The following FBXL7 variants were observed in gnomAD, a reference collection of about 807,000 sequenced individuals.
FBXL7 encodes F-box and leucine rich repeat protein 7, also known as F-box/LRR-repeat protein 7.
In FBXL7, 12 loss-of-function variants were observed where a neutral mutation model predicts 38.3. The observed-to-expected ratio is 0.31, with a 90% CI of 0.20 to 0.51. FBXL7 has a LOEUF of 0.51. FBXL7 is among the 20% of genes least tolerant of loss of function. The probability of loss-of-function intolerance (pLI) is 0.98; values close to 1 mark genes in which losing one functional copy is unlikely to be tolerated. For missense variants in FBXL7, 567 were observed against 676.4 expected (o/e 0.84, Z 1.79); for synonymous variants, 297 against 300.9 (o/e 0.99, Z 0.13).
intron 2 of FBXL7, among the ~76,000 whole-genome samples, chr5:15,788,894 C>T (rs1737201758): frequency 6.6e-6 from 1 of 151,354 alleles, no homozygotes; most frequent in Non-Finnish European, 1.5e-5. Flanking sequence ...CTCTGTCGCC[C>T]AGCTGGAGTA....
chr5:15,792,175 G>A (rs181856154), intron 2 of FBXL7, among the ~76,000 whole-genome samples: 15 of 152,258 alleles, frequency 9.9e-5, no homozygotes, highest in Admixed American at 2.6e-4. Context: ...ACCTGACATC[G>A]TAGCTGTCAA....
intron 2 of FBXL7, among the ~76,000 whole-genome samples, chr5:15,619,364 A>G (rs895227886): frequency 1.3e-5 from 2 of 152,128 alleles, no homozygotes; most frequent in African/African-American, 4.8e-5. Context: ...GACAATGCCA[A>G]ACCGTCACCG....
chr5:15,539,967 G>A lies in FBXL7; in HGVS notation c.37+39254G>A, dbSNP rs569323981. On this transcript the variant is annotated intron_variant, in intron 1 of 3. Transcript: ENST00000504595. Reference sequence around the variant, plus strand: ...TTTATGATAATGGCTTTTTCAAAATGGCTTTATTCTCCATTTTTCACATGT... The same window carrying A: ...TTTATGATAATGGCTTTTTCAAAATAGCTTTATTCTCCATTTTTCACATGT... 4.1e-4 allele frequency among the ~76,000 whole-genome samples: 63 copies of A among 152,102 alleles called. 1 individual carries two copies. The highest frequency in any genetic ancestry group is 1.5e-3 in the African/African-American group (62 of 41,522).
At chr5:15,906,121 C>T (rs944638081) in intron 2 of FBXL7, among the ~76,000 whole-genome samples, 2 of 151,808 alleles carry the variant, frequency 1.3e-5, no homozygotes, top group African/African-American at 2.4e-5. Context: ...TAAAGATCAT[C>T]GCCAACATAT....
chr5:15,684,653 A>G (rs1742955003), intron 2 of FBXL7, among the ~76,000 whole-genome samples: 1 of 152,198 alleles, frequency 6.6e-6, no homozygotes, highest in Non-Finnish European at 1.5e-5. Flanking sequence ...AGCAAAGGAG[A>G]AGAGTCAGAG....
chr5:15,545,272 C>T (rs545647850), intron 1 of FBXL7, among the ~76,000 whole-genome samples: 1 of 152,310 alleles, frequency 6.6e-6, no homozygotes, highest in African/African-American at 2.4e-5. Context: ...GGCTCTGTGC[C>T]AGACACTTTA....
At chr5:15,516,739 C>T (rs1173905240) in intron 1 of FBXL7, among the ~76,000 whole-genome samples, 4 of 152,084 alleles carry the variant, frequency 2.6e-5, no homozygotes, top group Non-Finnish European at 5.9e-5. Context: ...TGCTGCTGTT[C>T]TCGTGATAGT....
intron 2 of FBXL7, among the ~76,000 whole-genome samples, chr5:15,846,992 G>C (rs894415554): frequency 2.0e-5 from 3 of 152,012 alleles, no homozygotes; most frequent in African/African-American, 7.2e-5. Flanking sequence ...CTTGAATATT[G>C]ATGAGGTATG....
intron 3 of FBXL7, among the ~76,000 whole-genome samples, chr5:15,934,074 G>C (rs1742113264): frequency 6.6e-6 from 1 of 152,118 alleles, no homozygotes; most frequent in Admixed American, 6.6e-5. Context: ...GTGCGCTCCA[G>C]ATTTTCTGCA....
intron 2 of FBXL7, among the ~76,000 whole-genome samples, chr5:15,849,555 C>T (rs1234141579): frequency 2.4e-4 from 37 of 152,142 alleles, no homozygotes; most frequent in Admixed American, 2.4e-3. Flanking sequence ...TGGACAAGTT[C>T]ACTCTTGTCT....
intron 2 of FBXL7, among the ~76,000 whole-genome samples, chr5:15,770,791 G>A (rs1736709703): frequency 6.6e-6 from 1 of 152,174 alleles, no homozygotes; most frequent in East Asian, 1.9e-4. Flanking sequence ...ACAGGAATGA[G>A]TGGGTCTGGT....
rs77305075 is a variant in FBXL7, at chr5:15,671,055, G to C, written c.127+54983G>C. Among the ~76,000 whole-genome samples the C allele has an allele frequency of 8.5e-3, 1,298 of 152,172 alleles. 13 individuals carry two copies. The highest frequency in any genetic ancestry group is 0.03 in the African/African-American group (1,230 of 41,532). On this transcript the variant is annotated intron_variant, in intron 2 of 3. Coordinates refer to ENST00000504595, the MANE Select transcript of FBXL7 (RefSeq NM_012304.5). ...TCTTTCATTATTATGTGAGAAGGAG[G>C]GCCTGAAGTCAAGGCAACCGAGAGT...
intron 2 of FBXL7, among the ~76,000 whole-genome samples, chr5:15,838,226 G>C (rs1370282559): frequency 6.6e-6 from 1 of 151,928 alleles, no homozygotes; most frequent in Non-Finnish European, 1.5e-5. Context: ...CCACAAGATG[G>C]CTGGCTTATA....
intron 2 of FBXL7, among the ~76,000 whole-genome samples, chr5:15,650,939 A>G (rs1260589945): frequency 2.7e-5 from 4 of 150,816 alleles, no homozygotes; most frequent in African/African-American, 9.8e-5. Flanking sequence ...CTTCTTCCAA[A>G]CTCCTGTTAA....
intron 1 of FBXL7, among the ~76,000 whole-genome samples, chr5:15,571,746 G>A (rs1191644316): frequency 4.6e-5 from 7 of 152,026 alleles, no homozygotes; most frequent in Admixed American, 3.9e-4. Context: ...GTGAGGTATT[G>A]TCAGTCACTG....
At chr5:15,701,004 G>C (rs1406021752) in intron 2 of FBXL7, among the ~76,000 whole-genome samples, 3 of 151,998 alleles carry the variant, frequency 2.0e-5, no homozygotes, top group African/African-American at 7.3e-5. Flanking sequence ...ATCTGAATTA[G>C]CCAAATCCTT....
chr5:15,568,771 G>T (rs549572746), intron 1 of FBXL7, among the ~76,000 whole-genome samples: 122 of 151,504 alleles, frequency 8.1e-4, no homozygotes, highest in African/African-American at 2.7e-3. Context: ...TTTGTATAAG[G>T]TGTAAGGAAG....
At chr5:15,886,272 C>T (rs1740674555) in intron 2 of FBXL7, among the ~76,000 whole-genome samples, 2 of 151,628 alleles carry the variant, frequency 1.3e-5, no homozygotes, top group Non-Finnish European at 2.9e-5. Flanking sequence ...TGCATGAATG[C>T]ATGTGTGTGT....
intron 2 of FBXL7, among the ~76,000 whole-genome samples, chr5:15,748,282 G>A (rs1482002726): frequency 6.6e-6 from 1 of 152,174 alleles, no homozygotes; most frequent in Non-Finnish European, 1.5e-5. Flanking sequence ...AAAGAACTTT[G>A]CCTTGTACTT....
Sources: gnomAD v4.1 joint callset for allele counts (sites outside exome capture counted in the v4.1 genomes callset) on GRCh38, gnomAD v4.1.1 for gene constraint, MANE v1.5 for transcripts, NCBI Gene and HGNC (gene_info 2026-07-23, HGNC 2026-07-21) for gene names.